Variants in USH2A observed in about 807,000 individuals in gnomAD.
USH2A encodes Usher syndrome 2A (autosomal recessive, mild).
USH2A carries 443 observed loss-of-function variants against 538.9 expected under a neutral mutation model. That is an observed-to-expected ratio of 0.82 (90% CI 0.76 to 0.89). The LOEUF is 0.89. Among genes scored for constraint, USH2A ranks in the 40% least tolerant of loss-of-function variants. USH2A has a pLI of 0.00. For missense variants in USH2A, 6,633 were observed against 6,324.8 expected (o/e 1.05, Z -1.65); for synonymous variants, 2,413 against 2,273.5 (o/e 1.06, Z -1.75).
chr1:215,809,535 G>A (rs1662601537), intron 49 of USH2A, among the ~76,000 whole-genome samples: 1 of 150,856 alleles, frequency 6.6e-6, no homozygotes, highest in Non-Finnish European at 1.5e-5. Context: ...TTAGACATAA[G>A]ATACAAGGAT....
In USH2A at chr1:215,844,411, A is replaced by G. The variant is rs569962519; in HGVS notation, c.9141T>C (p.Asn3047=). Residue 3047 remains asparagine (N), a synonymous_variant, in exon 46 of 72, where the codon AAT becomes AAC. Transcript: ENST00000307340. ...RVIWTSPSNP[N]GVVTEYSIYV... Reference sequence around the variant, plus strand: ...AGATAGAATACTCAGTGACAACACCATTTGGGTTTGAAGGAGATGTCCAGA... The same window carrying G: ...AGATAGAATACTCAGTGACAACACCGTTTGGGTTTGAAGGAGATGTCCAGA... The G allele has an allele frequency of 3.4e-5, 55 of 1,613,670 alleles. No homozygotes were observed. Among genetic ancestry groups the G allele is most frequent in the Non-Finnish European group, 4.4e-5 (52 of 1,179,874 alleles).
rs751414710 is a variant in USH2A, at chr1:216,097,082, C to T, written c.4758+1G>A. The T allele has an allele frequency of 6.2e-7, 1 of 1,613,438 alleles. No homozygotes were observed. The highest frequency in any genetic ancestry group is 8.5e-7 in the Non-Finnish European group (1 of 1,179,626). On this transcript the variant is annotated splice_donor_variant, in intron 22 of 71. Coordinates refer to ENST00000307340, the MANE Select transcript of USH2A (RefSeq NM_206933.4). LOFTEE classifies it high-confidence loss of function. ...ATTAAAGTTTATGATTTCTCATTTA[C>T]CTGAGGATCAAAAAGAAAATAAAGA... is the stretch of plus-strand genomic sequence containing the variant.
chr1:216,178,753 A>C (rs78052724), intron 20 of USH2A, among the ~76,000 whole-genome samples: 3,931 of 152,258 alleles, frequency 0.026, 75 homozygotes, highest in Non-Finnish European at 0.036. Flanking sequence ...TGTAATGTTT[A>C]ATACGGTAAC....
At chr1:216,252,284 T>G (rs1371578765) in intron 11 of USH2A, among the ~76,000 whole-genome samples, 2 of 152,220 alleles carry the variant, frequency 1.3e-5, no homozygotes, top group East Asian at 3.9e-4. Flanking sequence ...AACACAGCAA[T>G]GTGGGTACAG....
chr1:215,648,540 C>G lies in USH2A; in HGVS notation c.14570G>C (p.Gly4857Ala), dbSNP rs749889050. ...CCTGACCCATTACCTGTGAATGACACCATTGGGGAACATGGGGGGACTCCA... is the reference window on the plus strand; with the variant it reads ...CCTGACCCATTACCTGTGAATGACAGCATTGGGGAACATGGGGGGACTCCA... The part of the protein sequence containing the change: ...FRWSPPMFPN[G>A]VIHSYELQFH... Residue 4857 changes from glycine to alanine, a missense_variant, in exon 66 of 72, where the codon GGT (glycine) becomes GCT (alanine). Transcript: ENST00000307340. 25 of 1,614,030 alleles carry G rather than the reference C, an allele frequency of 1.5e-5. No homozygotes were observed. The highest frequency in any genetic ancestry group is 1.9e-5 in the Non-Finnish European group (23 of 1,180,030).
chr1:216,190,153 G>A lies in USH2A; in HGVS notation c.4396+70C>T, dbSNP rs1024529481. 5 of 1,588,274 alleles carry A rather than the reference G, an allele frequency of 3.1e-6. No homozygotes were observed. The Admixed American group carries it at 6.8e-5, about 22-fold the overall frequency. On this transcript the variant is annotated intron_variant, in intron 20 of 71. Transcript: ENST00000307340. ...CAAATATAAAGTCTCAAGTAGAGAA[G>A]GTGTTGAATATTATAAGTTTTTTTT... is the stretch of plus-strand genomic sequence containing the variant.
intron 26 of USH2A, among the ~76,000 whole-genome samples, chr1:216,081,127 T>C (rs2031929043): frequency 6.6e-6 from 1 of 152,052 alleles, no homozygotes; most frequent in African/African-American, 2.4e-5. Context: ...AAAAGCGAGG[T>C]GGCTGGACTG....
At chr1:215,996,371 A>G (rs1256135074) in intron 34 of USH2A, among the ~76,000 whole-genome samples, 1 of 152,180 alleles carries the variant, frequency 6.6e-6, no homozygotes, top group Non-Finnish European at 1.5e-5. Context: ...AGGAATATAT[A>G]ATACTTAGAA....
At position 215,934,624 on chromosome 1, in the gene USH2A, G is replaced by T. The variant is rs1225732232; in HGVS notation, c.7292C>A (p.Pro2431His). Residue 2431 changes from proline to histidine, a missense_variant, in exon 38 of 72, where the codon CCT becomes CAT. Pro to His is a moderately conservative substitution (Grantham distance 77, BLOSUM62 -2). Transcript: ENST00000307340. ...LITDPITIAM[P>H]PGAPDGVLPP... ...CATTTGCATAGACTTACCTCCTGGA[G>T]GCATTGCAATTGTTATAGGATCAGT... 6.2e-7 allele frequency: 1 copy of T among 1,611,934 alleles called. No homozygotes were observed. The highest frequency in any genetic ancestry group is 2.2e-5 in the East Asian group (1 of 44,820).
chr1:215,824,953 G>C (rs1663113029), intron 47 of USH2A, among the ~76,000 whole-genome samples: 1 of 152,036 alleles, frequency 6.6e-6, no homozygotes. Context: ...CCTCATATTT[G>C]AGTTCTGGGA....
chr1:216,057,920 A>C (rs2031035108), intron 30 of USH2A, among the ~76,000 whole-genome samples: 1 of 152,206 alleles, frequency 6.6e-6, no homozygotes, highest in Non-Finnish European at 1.5e-5. Flanking sequence ...TACTTGGAAT[A>C]AAGACAGCAT....
At chr1:216,014,148 T>G (rs1668646888) in intron 32 of USH2A, among the ~76,000 whole-genome samples, 1 of 151,962 alleles carries the variant, frequency 6.6e-6, no homozygotes, top group East Asian at 1.9e-4. Flanking sequence ...CACGGTGATC[T>G]GATTGGGAAA....
At chr1:215,704,901 C>T (rs10864190) in intron 61 of USH2A, among the ~76,000 whole-genome samples, 87,923 of 151,964 alleles carry the variant, frequency 0.58, 25,927 homozygotes, top group East Asian at 0.8. Context: ...TATTTACCTG[C>T]CTTTTCTCCC....
At chr1:216,351,156 T>G (rs985324215) in intron 4 of USH2A, among the ~76,000 whole-genome samples, 4 of 152,172 alleles carry the variant, frequency 2.6e-5, no homozygotes, top group African/African-American at 9.7e-5. Flanking sequence ...AAAAAAATCT[T>G]GCTTTCTCTT....
At chr1:215,666,216 A>G (rs1657597017) in intron 64 of USH2A, among the ~76,000 whole-genome samples, 3 of 152,234 alleles carry the variant, frequency 2.0e-5, no homozygotes, top group Admixed American at 1.3e-4. Flanking sequence ...TTACCACCAA[A>G]GACCGGACCT....
intron 41 of USH2A, among the ~76,000 whole-genome samples, chr1:215,885,792 T>C (rs1449514547): frequency 6.6e-5 from 10 of 152,202 alleles, no homozygotes; most frequent in Non-Finnish European, 1.3e-4. Context: ...ACAGGTGGCA[T>C]TGTATGGAGA....
chr1:216,395,612 G>A (rs903439100), intron 3 of USH2A, among the ~76,000 whole-genome samples: 1 of 152,178 alleles, frequency 6.6e-6, no homozygotes, highest in Admixed American at 6.5e-5. Context: ...AAATTATAAG[G>A]AAATGACATC....
chr1:215,902,238 C>T (rs970668894), intron 38 of USH2A, among the ~76,000 whole-genome samples: 2 of 152,070 alleles, frequency 1.3e-5, no homozygotes, highest in African/African-American at 2.4e-5. Flanking sequence ...TTATTTTATA[C>T]ATAACCTTGT....
chr1:215,853,987 G>A (rs892749551), intron 44 of USH2A, among the ~76,000 whole-genome samples: 1 of 152,134 alleles, frequency 6.6e-6, no homozygotes, highest in Non-Finnish European at 1.5e-5. Flanking sequence ...TTCCAAAGTT[G>A]TTTCCACATT....
Sources: gnomAD v4.1 joint callset for allele counts (sites outside exome capture counted in the v4.1 genomes callset) on GRCh38, gnomAD v4.1.1 for gene constraint, MANE v1.5 for transcripts, NCBI Gene and HGNC (gene_info 2026-07-23, HGNC 2026-07-21) for gene names.